TBXAS1: variants seen among roughly 807,000 people sequenced by gnomAD.
TBXAS1 encodes thromboxane A synthase 1.
In TBXAS1, 48 loss-of-function variants were observed where a neutral mutation model predicts 60.7. The observed-to-expected ratio is 0.79, with a 90% confidence interval of 0.63 to 1.01. The LOEUF (loss-of-function observed/expected upper bound fraction) is 1.01, where lower values mean the gene tolerates loss of function less well. Ranked by LOEUF, TBXAS1 falls within the 50% of genes least tolerant of loss-of-function variation. TBXAS1 has a pLI of 0.00. For synonymous variants in TBXAS1, 287 were observed against 269.7 expected, an observed-to-expected ratio of 1.06 and a Z score of -0.63; for missense variants, 685 against 686.3, an observed-to-expected ratio of 1.00 and a Z score of 0.02.
At chr7:139,835,252 T>A (rs1798985585) in intron 1 of TBXAS1, among the ~76,000 whole-genome samples, 1 of 152,034 alleles carries the variant, frequency 6.6e-6, no homozygotes, top group South Asian at 2.1e-4. Flanking sequence ...TTTTTTTTAG[T>A]AGAGATGGGG....
At chr7:140,009,101 G>A (rs12703488) in intron 10 of TBXAS1, among the ~76,000 whole-genome samples, 3,586 of 152,310 alleles carry the variant, frequency 0.024, 55 homozygotes, top group Non-Finnish European at 0.031. Flanking sequence ...TAACAAAGGG[G>A]TTAGGCTCTT....
chr7:139,985,157 T>G (rs1812352972), intron 9 of TBXAS1, among the ~76,000 whole-genome samples: 1 of 152,226 alleles, frequency 6.6e-6, no homozygotes, highest in Non-Finnish European at 1.5e-5. Context: ...TGTCCTCCAA[T>G]TAATTCATTT....
At chr7:139,887,147 G>T (rs564747189) in intron 3 of TBXAS1, among the ~76,000 whole-genome samples, 4 of 152,248 alleles carry the variant, frequency 2.6e-5, no homozygotes, top group African/African-American at 9.6e-5. Flanking sequence ...AACCTGGCCA[G>T]CAGGAGGAAC....
Position 139,951,947 on chromosome 7 carries a change from A to G in TBXAS1, c.451-1421A>G, listed in dbSNP as rs1343103498. On this transcript the variant is annotated intron_variant, in intron 5 of 12. Coordinates refer to ENST00000448866, the MANE Select transcript of TBXAS1 (RefSeq NM_001061.7). ...AAAGAAAGAGAGAAAGAAGGAAAGA[A>G]AGAAAAGAAAGAAAGAAAGAAAGAA... Among the ~76,000 whole-genome samples, 229 of 23,646 alleles carry G rather than the reference A, an allele frequency of 9.7e-3. 20 individuals are homozygous for G. The highest frequency in any genetic ancestry group is 0.022 in the Middle Eastern group (1 of 46). 15.5% of individuals were successfully genotyped at this position (23,646 alleles called of 152,430 possible).
At chr7:139,786,660 TG>T (rs1163718977) in intron 3 of TBXAS1, among the ~76,000 whole-genome samples, 2 of 152,216 alleles carry the variant, frequency 1.3e-5, no homozygotes, top group African/African-American at 4.8e-5. Context: ...TGTAGAACTC[TG>T]ATTTTATTTA....
intron 3 of TBXAS1, among the ~76,000 whole-genome samples, chr7:139,784,276 CT>C (rs1172273387): frequency 6.8e-6 from 1 of 146,784 alleles, no homozygotes. Context: ...TTCTTCCTTT[CT>C]TTTTTTCCTG....
chr7:139,812,574 C>T (rs1798044331), intron 4 of TBXAS1, among the ~76,000 whole-genome samples: 1 of 152,132 alleles, frequency 6.6e-6, no homozygotes. Context: ...AGACAGTACT[C>T]TTCTTAGAGA....
intron 1 of TBXAS1, among the ~76,000 whole-genome samples, chr7:139,858,370 G>C (rs1800728801): frequency 6.6e-6 from 1 of 152,208 alleles, no homozygotes; most frequent in African/African-American, 2.4e-5. Context: ...GACATAATAA[G>C]TGGAGACCAT....
rs181137805 is a variant in TBXAS1 at position 139,852,430 on chromosome 7, C to G, written c.90-19805C>G. 2.3e-3 allele frequency among the ~76,000 whole-genome samples: 346 copies of G among 152,298 alleles called. 4 individuals are homozygous for G. The highest frequency in any genetic ancestry group is 0.01 in the Middle Eastern group (3 of 294). ...AACCCAGAGAGGTGAGAGCCAGAAG[C>G]AAACACACTGAGGAACAACGGGCAC... On this transcript the variant is annotated intron_variant, in intron 1 of 12. Coordinates refer to ENST00000448866, the MANE Select transcript of TBXAS1 (RefSeq NM_001061.7). This position sits in a 1 kb window ranked among gnomAD's most constrained non-coding sequence, Gnocchi z 4.4.
At chr7:139,882,629 T>C (rs1802779788) in intron 3 of TBXAS1, among the ~76,000 whole-genome samples, 1 of 152,148 alleles carries the variant, frequency 6.6e-6, no homozygotes, top group Non-Finnish European at 1.5e-5. Context: ...AAAATATACA[T>C]AGTATATTGA....
intron 3 of TBXAS1, among the ~76,000 whole-genome samples, chr7:139,894,241 G>A (rs944750729): frequency 6.6e-6 from 1 of 152,202 alleles, no homozygotes; most frequent in Admixed American, 6.5e-5. Context: ...GTCCTTTGCA[G>A]AGCAAGCATT....
intron 9 of TBXAS1, among the ~76,000 whole-genome samples, chr7:139,989,652 C>T (rs567262638): frequency 6.6e-6 from 1 of 152,272 alleles, no homozygotes; most frequent in Non-Finnish European, 1.5e-5. Flanking sequence ...CTCCCTGGCC[C>T]GGGTTTAGAA....
At chr7:139,889,998 GA>G (rs1337003132) in intron 3 of TBXAS1, among the ~76,000 whole-genome samples, 1 of 152,024 alleles carries the variant, frequency 6.6e-6, no homozygotes, top group Non-Finnish European at 1.5e-5. Flanking sequence ...GGTAGGCCTG[GA>G]ATCCGGAATC....
At chr7:139,809,128 G>C (rs949704391) in intron 4 of TBXAS1, among the ~76,000 whole-genome samples, 2 of 151,814 alleles carry the variant, frequency 1.3e-5, no homozygotes, top group Non-Finnish European at 1.5e-5. Context: ...GAGTTCTCCA[G>C]AGAGACAGGA....
chr7:139,880,809 G>A (rs533420574), intron 3 of TBXAS1, among the ~76,000 whole-genome samples: 5 of 152,308 alleles, frequency 3.3e-5, no homozygotes, highest in Admixed American at 3.3e-4. Context: ...GGGTAAGTAT[G>A]CAAGATAAAT....
At chr7:139,816,759 G>A (rs140126784) in intron 4 of TBXAS1, among the ~76,000 whole-genome samples, 107 of 152,322 alleles carry the variant, frequency 7.0e-4, no homozygotes, top group African/African-American at 2.4e-3. Context: ...CAATAGAGAT[G>A]TTTGAATCTC....
chr7:139,862,488 G>T (rs964428161), intron 1 of TBXAS1, among the ~76,000 whole-genome samples: 3 of 152,238 alleles, frequency 2.0e-5, no homozygotes, highest in Non-Finnish European at 4.4e-5. Context: ...CTTAGTTGGA[G>T]TGGGGGGAGG....
chr7:139,849,134 T>C (rs961924598), intron 1 of TBXAS1, among the ~76,000 whole-genome samples: 1 of 152,068 alleles, frequency 6.6e-6, no homozygotes, highest in African/African-American at 2.4e-5. Flanking sequence ...AGGCTCACTT[T>C]GGGAGGCTGA....
intron 9 of TBXAS1, among the ~76,000 whole-genome samples, chr7:139,988,609 C>T (rs576239274): frequency 2.6e-5 from 4 of 152,284 alleles, no homozygotes; most frequent in South Asian, 2.1e-4. Context: ...TACCTTTCCA[C>T]GCTGCAGGAT....
Sources: gnomAD v4.1 joint callset for allele counts (sites outside exome capture counted in the v4.1 genomes callset) on GRCh38, gnomAD v4.1.1 for gene constraint, Gnocchi (gnomAD v3.1) non-coding constraint, MANE v1.5 for transcripts, NCBI Gene and HGNC (gene_info 2026-07-23, HGNC 2026-07-21) for gene names.